Variants in SGCD observed in about 807,000 individuals in gnomAD.
SGCD encodes delta-sarcoglycan.
A neutral mutation model predicts 36.6 loss-of-function variants in SGCD; 18 were observed. That is an observed-to-expected ratio of 0.49 (90% CI 0.34 to 0.73). The LOEUF is 0.73. SGCD is among the 30% of genes least tolerant of loss of function. SGCD has a pLI of 0.01. For synonymous variants in SGCD, 133 were observed against 130.6 expected, an observed-to-expected ratio of 1.02 and a Z score of -0.12; for missense variants, 387 against 346.7, an observed-to-expected ratio of 1.12 and a Z score of -0.92.
At chr5:156,588,676 C>G (rs1360497819) in intron 4 of SGCD, among the ~76,000 whole-genome samples, 1 of 152,152 alleles carries the variant, frequency 6.6e-6, no homozygotes, top group East Asian at 1.9e-4. Flanking sequence ...AAAACGGAGG[C>G]AGAAGCATAC....
chr5:155,926,311 A>G (rs1222954299), intron 1 of SGCD, among the ~76,000 whole-genome samples: 1 of 152,050 alleles, frequency 6.6e-6, no homozygotes, highest in Non-Finnish European at 1.5e-5. Flanking sequence ...CATTCCATTT[A>G]CCCTATGTTT....
chr5:156,139,337 T>C (rs1227422830), intron 3 of SGCD, among the ~76,000 whole-genome samples: 1 of 141,080 alleles, frequency 7.1e-6, no homozygotes, highest in African/African-American at 2.8e-5. Flanking sequence ...CTATCTTGAA[T>C]TAATTTTTGT....
chr5:156,188,665 A>ACCC (rs749449803), intron 3 of SGCD, among the ~76,000 whole-genome samples: 6 of 118,476 alleles, frequency 5.1e-5, no homozygotes, highest in Non-Finnish European at 7.3e-5. Flanking sequence ...GACCACCCCA[A>ACCC]CCGCCCCCCC....
At chr5:155,781,066 C>A in the SGCD span, among the ~76,000 whole-genome samples, 1 of 152,114 alleles carries the variant, frequency 6.6e-6, no homozygotes, top group East Asian at 1.9e-4. Context: ...GTGAGACTTT[C>A]AATTTTATTT....
chr5:156,441,756 C>A (rs1753500918), intron 3 of SGCD, among the ~76,000 whole-genome samples: 2 of 152,134 alleles, frequency 1.3e-5, no homozygotes, highest in Non-Finnish European at 2.9e-5. Flanking sequence ...TGTGTGGAAT[C>A]TAGCCAAGGC....
chr5:156,018,061 G>A (rs1022658617), intron 1 of SGCD, among the ~76,000 whole-genome samples: 5 of 152,132 alleles, frequency 3.3e-5, no homozygotes, highest in African/African-American at 4.8e-5. Flanking sequence ...TCAGGAGGCT[G>A]AGGTGGGAGG....
chr5:156,696,449 G>A (rs1409982862), intron 7 of SGCD, among the ~76,000 whole-genome samples: 2 of 152,130 alleles, frequency 1.3e-5, no homozygotes, highest in African/African-American at 2.4e-5. Context: ...CTTTTGCTCT[G>A]ACTATACCAT....
intron 2 of SGCD, among the ~76,000 whole-genome samples, chr5:156,122,390 GA>G (rs1762063558): frequency 6.6e-6 from 1 of 152,096 alleles, no homozygotes; most frequent in South Asian, 2.1e-4. Context: ...TTTAAATCTA[GA>G]GAAAGAGGGA....
At chr5:156,135,113 G>A (rs1191347942) in intron 3 of SGCD, among the ~76,000 whole-genome samples, 2 of 152,106 alleles carry the variant, frequency 1.3e-5, no homozygotes, top group Non-Finnish European at 2.9e-5. Flanking sequence ...AATAGATATG[G>A]ATGGGTGGAT....
rs1237796733 is a variant in SGCD, at chr5:156,252,231, C to T, written c.-43-77303C>T. Among the ~76,000 whole-genome samples the T allele has an allele frequency of 5.3e-5, 8 of 152,144 alleles. No homozygotes were observed. In the East Asian group the frequency reaches 1.6e-3, roughly 30 times the overall value. On this transcript the variant is annotated intron_variant, in intron 3 of 9. Coordinates refer to the SGCD transcript ENST00000517913. ...CTCCTGGGATTACAGGTATGTGCCA[C>T]CACACCTGGCTAATTTTGTATTTTT... is the stretch of plus-strand genomic sequence containing the variant.
At chr5:156,356,247 C>T (rs1275336582) in intron 3 of SGCD, among the ~76,000 whole-genome samples, 1 of 152,126 alleles carries the variant, frequency 6.6e-6, no homozygotes, top group Non-Finnish European at 1.5e-5. Context: ...GTCTCTTTTC[C>T]CTGATGTCTA....
At chr5:156,709,739 GA>G (rs1354521454) in intron 7 of SGCD, among the ~76,000 whole-genome samples, 2 of 152,106 alleles carry the variant, frequency 1.3e-5, no homozygotes, top group Non-Finnish European at 2.9e-5. Context: ...ACGTGGGTTT[GA>G]AAAGAGCAGA....
At chr5:156,715,419 A>G (rs1241128969) in intron 7 of SGCD, among the ~76,000 whole-genome samples, 1 of 152,188 alleles carries the variant, frequency 6.6e-6, no homozygotes, top group Non-Finnish European at 1.5e-5. Context: ...CACTTGCACA[A>G]TTAGGGCTTG....
intron 1 of SGCD, among the ~76,000 whole-genome samples, chr5:156,027,269 T>A (rs576542791): frequency 6.6e-6 from 1 of 152,282 alleles, no homozygotes; most frequent in Non-Finnish European, 1.5e-5. Flanking sequence ...GGTGTTTAAA[T>A]CCAAGTTGGG....
chr5:156,295,262 C>T (rs1766864866), intron 3 of SGCD, among the ~76,000 whole-genome samples: 1 of 152,080 alleles, frequency 6.6e-6, no homozygotes, highest in Non-Finnish European at 1.5e-5. Context: ...TGTTGGTGTA[C>T]AATTGCTCAT....
At chr5:155,827,296 C>T in the SGCD span, among the ~76,000 whole-genome samples, 2 of 152,140 alleles carry the variant, frequency 1.3e-5, no homozygotes, top group Non-Finnish European at 2.9e-5. Flanking sequence ...GTGGGGACAT[C>T]AGGGATGTAT....
chr5:156,206,516 G>A (rs1338157064), intron 3 of SGCD, among the ~76,000 whole-genome samples: 2 of 151,946 alleles, frequency 1.3e-5, no homozygotes, highest in Non-Finnish European at 2.9e-5. Context: ...AGCATAATTT[G>A]TTTTTGTTGT....
In SGCD at chr5:156,392,629, G is replaced by A. The variant is rs1024932570; in HGVS notation, c.192+47952G>A. On this transcript the variant is annotated intron_variant, in intron 3 of 8. Transcript: ENST00000337851. Reference sequence around the variant, plus strand: ...AGGACAGAGGCTTTCTGTATCCCAGGGTTCTTGCCTTGGTGTCCCGGAAGA... The same window carrying A: ...AGGACAGAGGCTTTCTGTATCCCAGAGTTCTTGCCTTGGTGTCCCGGAAGA... Among the ~76,000 whole-genome samples, 2 of 152,224 alleles carry A rather than the reference G, an allele frequency of 1.3e-5. 1 individual carries two copies. The highest frequency in any genetic ancestry group is 2.9e-5 in the Non-Finnish European group (2 of 68,052).
At chr5:156,213,547 G>T (rs574755287) in intron 3 of SGCD, among the ~76,000 whole-genome samples, 1 of 152,084 alleles carries the variant, frequency 6.6e-6, no homozygotes, top group South Asian at 2.1e-4. Context: ...ATTTAAAAAA[G>T]AACTAATATC....
Sources: gnomAD v4.1 joint callset for allele counts (sites outside exome capture counted in the v4.1 genomes callset) on GRCh38, gnomAD v4.1.1 for gene constraint, MANE v1.5 for transcripts, NCBI Gene and HGNC (gene_info 2026-07-23, HGNC 2026-07-21) for gene names.